The following HORMAD2 variants were observed in gnomAD, a reference collection of about 807,000 sequenced individuals.
HORMAD2 encodes the protein HORMA domain containing 2.
A neutral mutation model predicts 38.8 loss-of-function variants in HORMAD2; 45 were observed. The observed-to-expected ratio is 1.16, with a 90% CI of 0.91 to 1.49. The LOEUF (loss-of-function observed/expected upper bound fraction) is 1.49, where lower values mean the gene tolerates loss of function less well. Among genes scored for constraint, HORMAD2 ranks in the 40% most tolerant of loss-of-function variants. HORMAD2 has a pLI of 0.00. For synonymous variants in HORMAD2, 126 were observed against 122.8 expected, an observed-to-expected ratio of 1.03 and a Z score of -0.17; for missense variants, 338 against 367.0, an observed-to-expected ratio of 0.92 and a Z score of 0.65.
At chr22:30,162,993 C>T (rs1010265876) in intron 10 of HORMAD2, among the ~76,000 whole-genome samples, 8 of 152,078 alleles carry the variant, frequency 5.3e-5, no homozygotes, top group African/African-American at 1.4e-4. Context: ...TGAGCCACCA[C>T]GCCTGGCGAT....
At chr22:30,128,337 T>C (rs1193029576) in intron 10 of HORMAD2, among the ~76,000 whole-genome samples, 1 of 152,220 alleles carries the variant, frequency 6.6e-6, no homozygotes, top group Non-Finnish European at 1.5e-5. Context: ...ATTTATATAT[T>C]TGTATATGGT....
intron 10 of HORMAD2, among the ~76,000 whole-genome samples, chr22:30,168,008 C>T (rs962834398): frequency 6.6e-6 from 1 of 152,160 alleles, no homozygotes; most frequent in African/African-American, 2.4e-5. Context: ...AATGACATAA[C>T]ATATGTGATT....
chr22:30,120,023 T>C (rs1246800235), intron 8 of HORMAD2, among the ~76,000 whole-genome samples: 4 of 152,222 alleles, frequency 2.6e-5, no homozygotes, highest in Admixed American at 6.5e-5. Context: ...TCATACACGT[T>C]TTCTCACATA....
chr22:30,077,804 T>G (rs1272259271), upstream of HORMAD2, among the ~76,000 whole-genome samples: 3 of 152,202 alleles, frequency 2.0e-5, no homozygotes, highest in Non-Finnish European at 4.4e-5. Context: ...TTGGAGTATT[T>G]CTAAAGCCCC....
intron 7 of HORMAD2, among the ~76,000 whole-genome samples, 177 bp from the exon 8 acceptor site, chr22:30,118,803 C>T (rs1453339153): frequency 6.6e-6 from 1 of 152,018 alleles, no homozygotes; most frequent in Non-Finnish European, 1.5e-5. Flanking sequence ...AGGAGAAAAA[C>T]TAGGTTGTCT....
chr22:30,156,883 C>T (rs1036736712), intron 10 of HORMAD2, among the ~76,000 whole-genome samples: 5 of 152,196 alleles, frequency 3.3e-5, no homozygotes, highest in African/African-American at 1.2e-4. Flanking sequence ...AGTTTGCCTC[C>T]AAACCTCTTC....
rs374738108 is a variant in HORMAD2 at position 30,103,457 on chromosome 22, C to T, written c.214C>T (p.Arg72Ter). ...TGTAGACCTCAGTTTAAAAATCCTCCGAGAAGATAAAAAATGTCCCGGGTC... is the reference window on the plus strand; with the variant it reads ...TGTAGACCTCAGTTTAAAAATCCTCTGAGAAGATAAAAAATGTCCCGGGTC... ...HLDDLSLKIL[R>*]EDKKCPGSLH... The change falls in exon 4 of 11, where the codon CGA becomes TGA. Residue 72 changes from arginine to a stop codon, truncating the protein, a stop_gained. Coordinates refer to ENST00000336726, the MANE Select transcript of HORMAD2 (RefSeq NM_152510.4). LOFTEE classifies it high-confidence loss of function. 9.2e-5 allele frequency: 141 copies of T among 1,539,218 alleles called. No homozygotes were observed. Among genetic ancestry groups the T allele is most frequent in the Non-Finnish European group, 1.2e-4 (133 of 1,134,772 alleles).
chr22:30,083,985 G>C (rs2068528535), intron 1 of HORMAD2, among the ~76,000 whole-genome samples: 1 of 152,188 alleles, frequency 6.6e-6, no homozygotes, highest in Non-Finnish European at 1.5e-5. Context: ...TGGAGAGTCA[G>C]TCTGGAAAAA....
chr22:30,148,208 A>C (rs1029604715), intron 10 of HORMAD2, among the ~76,000 whole-genome samples: 1 of 152,238 alleles, frequency 6.6e-6, no homozygotes, highest in Non-Finnish European at 1.5e-5. Context: ...TGAATATTTA[A>C]AAGTCAAAAA....
chr22:30,153,056 C>G (rs1924852270), intron 10 of HORMAD2, among the ~76,000 whole-genome samples: 1 of 151,784 alleles, frequency 6.6e-6, no homozygotes, highest in South Asian at 2.1e-4. Context: ...ACACATAGAA[C>G]AAGTTTCTCT....
chr22:30,189,813 C>T, the HORMAD2 span, among the ~76,000 whole-genome samples: 1 of 152,142 alleles, frequency 6.6e-6, no homozygotes. Context: ...GGGCTCCTCT[C>T]CTGACACCCT....
intron 10 of HORMAD2, among the ~76,000 whole-genome samples, chr22:30,153,468 CT>C (rs1924881126): frequency 2.0e-5 from 3 of 152,192 alleles, no homozygotes; most frequent in Admixed American, 2.0e-4. Context: ...CTTCCCCTTC[CT>C]TGAGTTAGGT....
At chr22:30,147,678 A>C (rs533046420) in intron 10 of HORMAD2, among the ~76,000 whole-genome samples, 1 of 152,262 alleles carries the variant, frequency 6.6e-6, no homozygotes, top group East Asian at 1.9e-4. Context: ...CAAGCCAAAA[A>C]CTGGGAAAAA....
At chr22:30,206,140 G>A in the HORMAD2 span, among the ~76,000 whole-genome samples, 1 of 151,994 alleles carries the variant, frequency 6.6e-6, no homozygotes, top group African/African-American at 2.4e-5. Context: ...ATTTACAGAT[G>A]AGGACACCGA....
chr22:30,134,965 C>T (rs1218758514), intron 10 of HORMAD2, among the ~76,000 whole-genome samples: 2 of 152,120 alleles, frequency 1.3e-5, no homozygotes, highest in African/African-American at 4.8e-5. Context: ...ATCCCAACAA[C>T]AACTTTGCGT....
intron 10 of HORMAD2, among the ~76,000 whole-genome samples, chr22:30,155,692 A>G (rs1471091081): frequency 6.6e-6 from 1 of 152,188 alleles, no homozygotes; most frequent in Non-Finnish European, 1.5e-5. Context: ...TTATGTATCT[A>G]TATGAAAACC....
the HORMAD2 span, among the ~76,000 whole-genome samples, chr22:30,185,251 A>G: frequency 2.6e-5 from 4 of 152,164 alleles, no homozygotes; most frequent in African/African-American, 9.7e-5. Context: ...GAGAGCCTGG[A>G]CCAGTTCTCT....
At chr22:30,207,056 G>GAGCA in the HORMAD2 span, 2 of 470,748 alleles carry the variant, frequency 4.2e-6, no homozygotes, top group Non-Finnish European at 8.8e-6. Context: ...ACCCACGGAT[G>GAGCA]AGTCAGTTGG....
the HORMAD2 span, among the ~76,000 whole-genome samples, chr22:30,193,557 G>A: frequency 4.6e-5 from 7 of 152,192 alleles, no homozygotes; most frequent in Admixed American, 6.5e-5. Flanking sequence ...AGGAAGTGGT[G>A]TTTGAGCTGA....
Sources: allele counts gnomAD v4.1 joint callset (sites outside exome capture counted in the v4.1 genomes callset), GRCh38; gene constraint gnomAD v4.1.1; transcripts MANE v1.5; gene names NCBI Gene and HGNC (gene_info 2026-07-23, HGNC 2026-07-21).